WIPF1: variants seen among roughly 807,000 people sequenced by gnomAD.
WIPF1 encodes the protein WAS/WASL interacting protein family member 1.
WIPF1 carries 13 observed loss-of-function variants against 35.4 expected under a neutral mutation model. The observed-to-expected ratio is 0.37, with a 90% CI of 0.24 to 0.58. The LOEUF is 0.58. Ranked by LOEUF, WIPF1 falls within the 20% of genes least tolerant of loss-of-function variation. The probability of loss-of-function intolerance (pLI) is 0.74; values close to 1 mark genes in which losing one functional copy is unlikely to be tolerated. For missense variants in WIPF1, 591 were observed against 667.0 expected (o/e 0.89, Z 1.25); for synonymous variants, 267 against 266.3 (o/e 1.00, Z -0.02).
At chr2:174,681,986 C>T (rs1688256541) in intron 1 of WIPF1, among the ~76,000 whole-genome samples, 1 of 152,306 alleles carries the variant, frequency 6.6e-6, no homozygotes, top group Non-Finnish European at 1.5e-5. Context: ...AGGCTCACAG[C>T]GACTGGGTCA....
intron 1 of WIPF1, among the ~76,000 whole-genome samples, chr2:174,679,229 G>A (rs1688201148): frequency 6.6e-6 from 1 of 152,112 alleles, no homozygotes; most frequent in Non-Finnish European, 1.5e-5. Flanking sequence ...CCAGCACTTT[G>A]GGAGGCCGAG....
At chr2:174,573,927 T>C (rs1684962435) in intron 4 of WIPF1, among the ~76,000 whole-genome samples, 1 of 151,636 alleles carries the variant, frequency 6.6e-6, no homozygotes. Context: ...GCCTCCTCTG[T>C]TGCCCAGGCT....
intron 1 of WIPF1, among the ~76,000 whole-genome samples, chr2:174,666,540 C>T (rs1687895466): frequency 6.6e-6 from 1 of 152,226 alleles, no homozygotes; most frequent in African/African-American, 2.4e-5. Context: ...TTACTGGTTT[C>T]ATGAGAGTTC....
Position 174,581,308 on chromosome 2 carries a change from A to T in WIPF1, c.181+2T>A, listed in dbSNP as rs1395091172. ...CATGGTAGATAGCCTTTTTTTACTT[A>T]CTGTCCAGTATTGGTGCACTTCTGT... is the stretch of plus-strand genomic sequence containing the variant. On this transcript the variant is annotated splice_donor_variant, in intron 3 of 7. Transcript: ENST00000679041. LOFTEE classifies it high-confidence loss of function. The T allele has an allele frequency of 6.2e-7, 1 of 1,613,702 alleles. No homozygotes were observed.
intron 4 of WIPF1, 31 bp downstream of exon 4, chr2:174,575,173 A>G (rs754660285): frequency 1.9e-6 from 3 of 1,581,378 alleles, no homozygotes; most frequent in Non-Finnish European, 2.6e-6. Context: ...CCTTGTCTTC[A>G]GTCACTCAGA....
In WIPF1 at chr2:174,571,572, G is replaced by A. The variant is rs1408203516; in HGVS notation, c.1129+104C>T. 1 of 1,518,228 alleles carries A rather than the reference G, an allele frequency of 6.6e-7. No homozygotes were observed. Among genetic ancestry groups the A allele is most frequent in the Non-Finnish European group, 9.1e-7 (1 of 1,093,432 alleles). The allele number at this position is 1,518,228 out of a possible 1,614,324, so 94.0% of individuals were successfully genotyped here. A position where few individuals can be genotyped will look rare whatever the true frequency, so the allele number is the denominator to read the frequency against. On this transcript the variant is annotated intron_variant, in intron 5 of 7. Coordinates refer to ENST00000679041, the MANE Select transcript of WIPF1 (RefSeq NM_001375834.1). This position sits in a 1 kb window ranked among gnomAD's most constrained non-coding sequence, Gnocchi z 4.6. ...CACTTAAAAGCACAAAGCAGTCTGA[G>A]TTTACTTATGCCTGCTTTTGTTAGA...
chr2:174,566,354 A>G (rs1000363536), intron 7 of WIPF1: 1 of 152,250 alleles, frequency 6.6e-6, no homozygotes, highest in African/African-American at 2.4e-5. Flanking sequence ...CAATGGAGGA[A>G]AAGCAATTTA....
chr2:174,607,559 A>G (rs937323444), intron 1 of WIPF1, among the ~76,000 whole-genome samples: 2 of 152,166 alleles, frequency 1.3e-5, no homozygotes, highest in Non-Finnish European at 2.9e-5. Context: ...AGTAAAACCT[A>G]AAGTCCTTGC....
intron 7 of WIPF1, among the ~76,000 whole-genome samples, chr2:174,563,826 C>A (rs959586372): frequency 6.6e-6 from 1 of 152,156 alleles, no homozygotes; most frequent in Admixed American, 6.5e-5. Flanking sequence ...AAGTAGGCAT[C>A]TTGATAGGGA....
chr2:174,664,563 G>A (rs1000503632), intron 1 of WIPF1, among the ~76,000 whole-genome samples: 4 of 152,232 alleles, frequency 2.6e-5, no homozygotes, highest in African/African-American at 9.6e-5. Flanking sequence ...AGCAGTAGGG[G>A]AAAACCAAGA....
intron 1 of WIPF1, among the ~76,000 whole-genome samples, chr2:174,661,000 G>A (rs1687746858): frequency 6.6e-6 from 1 of 152,242 alleles, no homozygotes; most frequent in Non-Finnish European, 1.5e-5. Flanking sequence ...GCATGTCCAA[G>A]GCCTCACAGC....
intron 1 of WIPF1, among the ~76,000 whole-genome samples, chr2:174,593,228 C>T (rs1685681967): frequency 6.6e-6 from 1 of 152,074 alleles, no homozygotes; most frequent in Admixed American, 6.6e-5. Flanking sequence ...ATCTCTCTCT[C>T]TCTCCCTCTC....
chr2:174,679,066 T>C (rs956860865), intron 1 of WIPF1, among the ~76,000 whole-genome samples: 4 of 152,346 alleles, frequency 2.6e-5, no homozygotes, highest in African/African-American at 7.2e-5. Flanking sequence ...AGTCCACAAA[T>C]ACTGAGCAGT....
intron 1 of WIPF1, among the ~76,000 whole-genome samples, chr2:174,603,914 T>C (rs561182081): frequency 3.3e-5 from 5 of 152,120 alleles, no homozygotes; most frequent in African/African-American, 4.8e-5. Flanking sequence ...CTGGAAGAAA[T>C]AATAGAGAAT....
In WIPF1 at chr2:174,622,231, A is replaced by G. The variant is rs1686697925; in HGVS notation, c.-38-36620T>C. ...TAAGGCTGTTGTTCCTAAACTTCAA[A>G]TATTTGCAAACTAACTTCATAATTT... On this transcript the variant is annotated intron_variant, in intron 1 of 8. Transcript: ENST00000272746. This position sits in a 1 kb window ranked among gnomAD's most constrained non-coding sequence, Gnocchi z 5.1. Among the ~76,000 whole-genome samples, 1 of 152,186 alleles carries G rather than the reference A, an allele frequency of 6.6e-6. No homozygotes were observed. Among genetic ancestry groups the G allele is most frequent in the South Asian group, 2.1e-4 (1 of 4,832 alleles).
chr2:174,621,100 T>G (rs1686659921), intron 1 of WIPF1, among the ~76,000 whole-genome samples: 1 of 152,174 alleles, frequency 6.6e-6, no homozygotes, highest in Non-Finnish European at 1.5e-5. Context: ...AAGCTCATTC[T>G]AATGGCAGTA....
intron 7 of WIPF1, 96 bp from the exon 8 acceptor site, chr2:174,562,698 A>C (rs1399881204): frequency 2.7e-6 from 4 of 1,501,692 alleles, no homozygotes; most frequent in Non-Finnish European, 3.6e-6. Context: ...CCACTACCTC[A>C]TCCCTATGAC....
At chr2:174,626,311 TCAAACCAGTGAACACATCACTATG>T (rs748502059) in intron 1 of WIPF1, among the ~76,000 whole-genome samples, 39 of 152,226 alleles carry the variant, frequency 2.6e-4, no homozygotes, top group Non-Finnish European at 4.9e-4. Flanking sequence ...GTCCCAGAAA[TCAAACCAGTGAACACATCACTATG>T]CAGAGTCACA....
chr2:174,679,967 T>C (rs1272865485), intron 1 of WIPF1, among the ~76,000 whole-genome samples: 12 of 152,230 alleles, frequency 7.9e-5, no homozygotes, highest in African/African-American at 2.9e-4. Context: ...AATGTGCTGA[T>C]TAATCTTTCG....
Sources: allele counts gnomAD v4.1 joint callset (sites outside exome capture counted in the v4.1 genomes callset), GRCh38; gene constraint gnomAD v4.1.1; non-coding constraint Gnocchi (gnomAD v3.1); transcripts MANE v1.5; gene names NCBI Gene and HGNC (gene_info 2026-07-23, HGNC 2026-07-21).